Variants in LRRTM4 observed in about 807,000 individuals in gnomAD.
LRRTM4 encodes leucine rich repeat transmembrane neuronal 4.
Under a neutral mutation model 47.6 loss-of-function variants are expected in LRRTM4, and 25 were observed. The ratio of observed to expected loss-of-function variants is 0.53; its 90% CI spans 0.38 to 0.73. The LOEUF is 0.73. Ranked by LOEUF, LRRTM4 falls within the 30% of genes least tolerant of loss-of-function variation. LRRTM4 has a pLI of 0.00. For synonymous variants in LRRTM4, 311 were observed against 269.5 expected (o/e 1.15, Z -1.51); for missense variants, 638 against 713.4 (o/e 0.89, Z 1.20).
At chr2:76,865,161 T>G (rs961593053) in intron 3 of LRRTM4, among the ~76,000 whole-genome samples, 3 of 152,154 alleles carry the variant, frequency 2.0e-5, no homozygotes, top group African/African-American at 7.2e-5. Flanking sequence ...AAGAAGTCAT[T>G]TATCATTGTG....
intron 3 of LRRTM4, among the ~76,000 whole-genome samples, chr2:77,356,555 A>G (rs1356096479): frequency 1.3e-5 from 2 of 152,196 alleles, no homozygotes; most frequent in Admixed American, 1.3e-4. Context: ...GTTAAAATCG[A>G]GTACAGGATT....
intron 3 of LRRTM4, among the ~76,000 whole-genome samples, chr2:77,489,820 AAT>A (rs1189451461): frequency 1.3e-5 from 2 of 152,232 alleles, no homozygotes; most frequent in East Asian, 3.8e-4. Context: ...TGCAACACAA[AAT>A]ATCAGATGTG....
chr2:77,132,454 T>A (rs531123657), intron 3 of LRRTM4, among the ~76,000 whole-genome samples: 2 of 152,318 alleles, frequency 1.3e-5, no homozygotes, highest in East Asian at 3.9e-4. Context: ...ACAGTTAGCA[T>A]GGTAGTGCAG....
At chr2:77,091,275 T>C (rs1670629154) in intron 3 of LRRTM4, among the ~76,000 whole-genome samples, 2 of 149,350 alleles carry the variant, frequency 1.3e-5, no homozygotes, top group South Asian at 4.2e-4. Flanking sequence ...AAGTATAAGA[T>C]ACCTCTACTC....
chr2:76,876,902 G>C (rs990675839), intron 3 of LRRTM4, among the ~76,000 whole-genome samples: 2 of 152,078 alleles, frequency 1.3e-5, no homozygotes, highest in Admixed American at 1.3e-4. Flanking sequence ...TGATGATGAA[G>C]TGAGAGTCAC....
chr2:77,516,743 G>C (rs1679220120), intron 3 of LRRTM4: 1 of 965,958 alleles, frequency 1.0e-6, no homozygotes, highest in South Asian at 4.8e-5. Flanking sequence ...TTATTATCTG[G>C]GATTACTTCT....
chr2:77,090,253 T>C (rs1187660360), intron 3 of LRRTM4, among the ~76,000 whole-genome samples: 1 of 152,160 alleles, frequency 6.6e-6, no homozygotes, highest in Non-Finnish European at 1.5e-5. Flanking sequence ...AGGTTAATGC[T>C]CCTTTTTCTT....
intron 3 of LRRTM4, among the ~76,000 whole-genome samples, chr2:76,779,154 A>G (rs1293837490): frequency 6.6e-6 from 1 of 151,848 alleles, no homozygotes; most frequent in African/African-American, 2.4e-5. Flanking sequence ...GTTCTTTTAC[A>G]TTTGCTGAGG....
intron 3 of LRRTM4, among the ~76,000 whole-genome samples, chr2:76,799,703 C>A (rs918236654): frequency 3.8e-5 from 5 of 132,670 alleles, no homozygotes; most frequent in Admixed American, 1.5e-4. Flanking sequence ...CTAGAAAACC[C>A]CATTGTCTCA....
chr2:77,019,922 T>G (rs879802062), intron 3 of LRRTM4, among the ~76,000 whole-genome samples: 1 of 152,046 alleles, frequency 6.6e-6, no homozygotes, highest in Non-Finnish European at 1.5e-5. Context: ...AAAATGTTAG[T>G]GGAGGCTCGA....
At chr2:77,014,275 C>A (rs1230547093) in intron 3 of LRRTM4, among the ~76,000 whole-genome samples, 1 of 152,012 alleles carries the variant, frequency 6.6e-6, no homozygotes, top group Non-Finnish European at 1.5e-5. Flanking sequence ...AGTTGTTGAG[C>A]ACATACATAT....
At chr2:77,286,065 T>C (rs1490096160) in intron 3 of LRRTM4, among the ~76,000 whole-genome samples, 1 of 152,146 alleles carries the variant, frequency 6.6e-6, no homozygotes. Flanking sequence ...ACTGAAATTA[T>C]TAGAATCTGA....
chr2:77,045,479 C>T (rs778038688), intron 3 of LRRTM4, among the ~76,000 whole-genome samples: 4 of 151,904 alleles, frequency 2.6e-5, no homozygotes, highest in Admixed American at 6.6e-5. Context: ...GGCTTTAATT[C>T]GGTTAGGCTG....
At chr2:77,332,578 C>A (rs1380631706) in intron 3 of LRRTM4, among the ~76,000 whole-genome samples, 4 of 152,066 alleles carry the variant, frequency 2.6e-5, no homozygotes, top group Non-Finnish European at 5.9e-5. Flanking sequence ...TTGAAGGAAA[C>A]CTTGCTAATC....
At chr2:77,128,482 A>G (rs1671712331) in intron 3 of LRRTM4, among the ~76,000 whole-genome samples, 1 of 152,218 alleles carries the variant, frequency 6.6e-6, no homozygotes, top group Non-Finnish European at 1.5e-5. Context: ...GGGCCTATGT[A>G]TTTGTGACAG....
chr2:76,798,038 C>G (rs1265095767), intron 3 of LRRTM4, among the ~76,000 whole-genome samples: 3 of 147,586 alleles, frequency 2.0e-5, no homozygotes, highest in African/African-American at 7.6e-5. Flanking sequence ...TTAGACAGAT[C>G]AATGAGACAG....
intron 3 of LRRTM4, among the ~76,000 whole-genome samples, chr2:76,817,615 C>G (rs80322825): frequency 1.1e-4 from 17 of 151,924 alleles, no homozygotes; most frequent in Admixed American, 5.3e-4. Flanking sequence ...ATTCTTGGCA[C>G]CAGAAGTTCT....
At chr2:77,084,389 G>A (rs1680640047) in intron 3 of LRRTM4, among the ~76,000 whole-genome samples, 1 of 152,190 alleles carries the variant, frequency 6.6e-6, no homozygotes, top group South Asian at 2.1e-4. Context: ...TGTGAACAGA[G>A]ATTTTATAGC....
intron 3 of LRRTM4, among the ~76,000 whole-genome samples, chr2:76,986,894 T>C (rs555235988): frequency 6.6e-6 from 1 of 152,072 alleles, no homozygotes; most frequent in Admixed American, 6.6e-5. Flanking sequence ...ATACATTACC[T>C]CATCTTCAAT....
Sources: gnomAD v4.1 joint callset for allele counts (sites outside exome capture counted in the v4.1 genomes callset) on GRCh38, gnomAD v4.1.1 for gene constraint, MANE v1.5 for transcripts, NCBI Gene and HGNC (gene_info 2026-07-23, HGNC 2026-07-21) for gene names.